Variants in NUBPL observed in about 807,000 individuals in gnomAD.
NUBPL encodes NUBP iron-sulfur cluster assembly factor, mitochondrial.
A neutral mutation model predicts 45.7 loss-of-function variants in NUBPL; 31 were observed. The observed-to-expected ratio is 0.68, with a 90% CI of 0.51 to 0.92. The LOEUF (loss-of-function observed/expected upper bound fraction) is 0.92, where lower values mean the gene tolerates loss of function less well. Ranked by LOEUF, NUBPL falls within the 40% of genes least tolerant of loss-of-function variation. NUBPL has a pLI of 0.00. For synonymous variants in NUBPL, 144 were observed against 140.9 expected (o/e 1.02, Z -0.15); for missense variants, 401 against 398.7 (o/e 1.01, Z -0.05).
At chr14:31,757,840 C>G (rs1228969870) in intron 6 of NUBPL, among the ~76,000 whole-genome samples, 3 of 152,068 alleles carry the variant, frequency 2.0e-5, no homozygotes, top group Admixed American at 2.0e-4. Flanking sequence ...CTAGTCTGAC[C>G]TCTACTTACC....
intron 7 of NUBPL, among the ~76,000 whole-genome samples, chr14:31,797,689 A>G (rs559920679): frequency 0.046 from 6,336 of 138,974 alleles, 191 homozygotes; most frequent in African/African-American, 0.071. Flanking sequence ...TCTTTATCCA[A>G]CTTGCCAGTC....
At chr14:31,777,307 G>A (rs2039114390) in intron 6 of NUBPL, among the ~76,000 whole-genome samples, 1 of 152,170 alleles carries the variant, frequency 6.6e-6, no homozygotes, top group Non-Finnish European at 1.5e-5. Flanking sequence ...CCTGCTCCAG[G>A]TCCATCTGGT....
chr14:31,704,818 G>C (rs536631995), intron 6 of NUBPL, among the ~76,000 whole-genome samples: 1 of 152,098 alleles, frequency 6.6e-6, no homozygotes, highest in African/African-American at 2.4e-5. Context: ...TAACATCCCA[G>C]TGTGTCTGGA....
intron 4 of NUBPL, among the ~76,000 whole-genome samples, chr14:31,631,497 C>T (rs2035342838): frequency 6.6e-6 from 1 of 151,896 alleles, no homozygotes; most frequent in Admixed American, 6.6e-5. Flanking sequence ...CACCCCACCC[C>T]CCACACACAA....
chr14:31,665,106 C>G (rs1407701503), intron 4 of NUBPL, among the ~76,000 whole-genome samples: 1 of 151,616 alleles, frequency 6.6e-6, no homozygotes, highest in African/African-American at 2.4e-5. Context: ...TATTTGATTC[C>G]TCTCTCTTTT....
rs139607310 is a variant in NUBPL at position 31,666,990 on chromosome 14, T to G, written c.383-6365T>G. On this transcript the variant is annotated intron_variant, in intron 4 of 10. Coordinates refer to ENST00000281081, the MANE Select transcript of NUBPL (RefSeq NM_025152.3). ...CTCTCTGGCTGCCCTTAATATTTTT[T>G]CCTTCATTTCAACCTTGGTGAATCT... Among the ~76,000 whole-genome samples, 643 of 152,298 alleles carry G rather than the reference T, an allele frequency of 4.2e-3. 2 individuals carry two copies. The highest frequency in any genetic ancestry group is 0.034 in the Middle Eastern group (10 of 294).
At chr14:31,577,755 C>T (rs141254325) in intron 3 of NUBPL, among the ~76,000 whole-genome samples, 1 of 152,306 alleles carries the variant, frequency 6.6e-6, no homozygotes, top group East Asian at 1.9e-4. Flanking sequence ...TAATTTTGCA[C>T]TCTGTACTTG....
intron 4 of NUBPL, among the ~76,000 whole-genome samples, chr14:31,604,319 A>G (rs1281852572): frequency 6.6e-6 from 1 of 152,196 alleles, no homozygotes; most frequent in Admixed American, 6.5e-5. Flanking sequence ...TGAATCTTAG[A>G]AAAACCTGCC....
intron 3 of NUBPL, among the ~76,000 whole-genome samples, chr14:31,575,918 G>A (rs1194623690): frequency 6.6e-6 from 1 of 152,022 alleles, no homozygotes; most frequent in Non-Finnish European, 1.5e-5. Context: ...ATTATTTTTT[G>A]CTTTTTGCTT....
rs564095082 is a variant in NUBPL, at chr14:31,679,427, C to T, written c.513+5853C>T. On this transcript the variant is annotated intron_variant, in intron 6 of 10. Transcript: ENST00000281081. ...CAAAGCTTTATAGTTCTGTCTTGTA[C>T]ATCTTGAATTAATTTTTATGTGTGA... Among the ~76,000 whole-genome samples, 17 of 152,164 alleles carry T rather than the reference C, an allele frequency of 1.1e-4. No individual in the cohort carries two copies. The South Asian group carries it at 3.5e-3, about 32-fold the overall frequency.
At chr14:31,808,828 G>C (rs891037117) in intron 7 of NUBPL, among the ~76,000 whole-genome samples, 7 of 152,068 alleles carry the variant, frequency 4.6e-5, no homozygotes, top group African/African-American at 1.2e-4. Flanking sequence ...TAGCATGAAG[G>C]GCTGTTGAAT....
chr14:31,665,091 G>A (rs1239349673), intron 4 of NUBPL, among the ~76,000 whole-genome samples: 20 of 152,032 alleles, frequency 1.3e-4, no homozygotes, highest in Non-Finnish European at 2.1e-4. Flanking sequence ...ATTTTTCATT[G>A]TGTCTATTTG....
At chr14:31,617,897 A>G (rs573037372) in intron 4 of NUBPL, among the ~76,000 whole-genome samples, 14 of 152,134 alleles carry the variant, frequency 9.2e-5, no homozygotes, top group Admixed American at 2.0e-4. Flanking sequence ...CTGTGAATCC[A>G]TCTGGGTCTG....
intron 6 of NUBPL, among the ~76,000 whole-genome samples, chr14:31,687,659 C>T (rs1010759992): frequency 6.6e-6 from 1 of 152,208 alleles, no homozygotes; most frequent in Non-Finnish European, 1.5e-5. Flanking sequence ...CAGTTCATTT[C>T]TCCAATCAAT....
intron 3 of NUBPL, among the ~76,000 whole-genome samples, chr14:31,567,786 C>T (rs1425519320): frequency 6.6e-6 from 1 of 152,150 alleles, no homozygotes; most frequent in African/African-American, 2.4e-5. Context: ...ATCAGCTTTA[C>T]CTGGGAACTT....
intron 3 of NUBPL, among the ~76,000 whole-genome samples, chr14:31,589,550 G>A (rs1355677150): frequency 6.6e-6 from 1 of 152,132 alleles, no homozygotes; most frequent in Non-Finnish European, 1.5e-5. Flanking sequence ...AATGAAAGAT[G>A]AAGTGTTTTT....
intron 6 of NUBPL, among the ~76,000 whole-genome samples, chr14:31,772,930 T>C (rs991218115): frequency 6.6e-5 from 10 of 152,284 alleles, no homozygotes; most frequent in Admixed American, 1.3e-4. Context: ...CTTTTTATCA[T>C]TTGGGAAGAA....
In NUBPL at chr14:31,798,594, C is replaced by A. The variant is rs574923042; in HGVS notation, c.607+10721C>A. On this transcript the variant is annotated intron_variant, in intron 7 of 10. Transcript: ENST00000281081. ...GATCATGGGGTCGGGAGAACGAGAC[C>A]ATCCTGGCTAACACGGTGAAACCCT... Among the ~76,000 whole-genome samples the A allele has an allele frequency of 3.3e-5, 5 of 151,270 alleles. No individual in the cohort carries two copies. In the East Asian group the frequency reaches 9.7e-4, roughly 29 times the overall value.
At chr14:31,677,768 C>A (rs1352363141) in intron 6 of NUBPL, among the ~76,000 whole-genome samples, 1 of 152,234 alleles carries the variant, frequency 6.6e-6, no homozygotes, top group African/African-American at 2.4e-5. Flanking sequence ...GAAGCCTGCA[C>A]AGCACTGGGT....
Sources: gnomAD v4.1 joint callset for allele counts (sites outside exome capture counted in the v4.1 genomes callset) on GRCh38, gnomAD v4.1.1 for gene constraint, MANE v1.5 for transcripts, NCBI Gene and HGNC (gene_info 2026-07-23, HGNC 2026-07-21) for gene names.